PIP5K1C: variants seen among roughly 807,000 people sequenced by gnomAD.
The protein encoded by PIP5K1C is phosphatidylinositol 4-phosphate 5-kinase type-1 gamma.
Under a neutral mutation model 80.1 loss-of-function variants are expected in PIP5K1C, and 45 were observed. The ratio of observed to expected loss-of-function variants is 0.56; its 90% CI spans 0.44 to 0.72. The LOEUF is 0.72. Among genes scored for constraint, PIP5K1C ranks in the 30% least tolerant of loss-of-function variants. The probability of loss-of-function intolerance (pLI) is 0.00; values close to 1 mark genes in which losing one functional copy is unlikely to be tolerated. For missense variants in PIP5K1C, 753 were observed against 954.6 expected (o/e 0.79, Z 2.78); for synonymous variants, 498 against 420.1 (o/e 1.19, Z -2.27).
chr19:3,681,854 G>A (rs1399868015), intron 1 of PIP5K1C, among the ~76,000 whole-genome samples: 1 of 151,974 alleles, frequency 6.6e-6, no homozygotes, highest in Non-Finnish European at 1.5e-5. Context: ...AACTCCAGGG[G>A]GTCACTTAGC....
At position 3,643,251 on chromosome 19, in the gene PIP5K1C, C is replaced by T. The variant is rs756701195; in HGVS notation, c.1641G>A (p.Pro547=). 6.2e-6 allele frequency: 10 copies of T among 1,613,508 alleles called. No individual in the cohort carries two copies. In the East Asian group the frequency reaches 1.1e-4, roughly 18 times the overall value. The change falls in exon 13 of 18, where the codon CCG becomes CCA. Residue 547 remains proline, a synonymous_variant. Transcript: ENST00000335312. ...GCGGATGCCTCGCCCACCTGTACCGCGGCTGCTCCGACGTCTCCGAGGGGG... is the reference window on the plus strand; with the variant it reads ...GCGGATGCCTCGCCCACCTGTACCGTGGCTGCTCCGACGTCTCCGAGGGGG... The part of the protein sequence containing the change: ...ERSPSETSEQ[P]RYRRRTQSSG...
intron 1 of PIP5K1C, among the ~76,000 whole-genome samples, chr19:3,677,411 C>T (rs2035393056): frequency 6.6e-6 from 1 of 151,946 alleles, no homozygotes; most frequent in South Asian, 2.1e-4. Flanking sequence ...GGTGAAACCC[C>T]GTCTCTACTG....
At position 3,637,643 on chromosome 19, in the gene PIP5K1C, G is replaced by C. The variant is rs755105516; in HGVS notation, c.1920+1241C>G. 1.3e-6 allele frequency: 2 copies of C among 1,515,798 alleles called. No individual in the cohort carries two copies. Among genetic ancestry groups the C allele is most frequent in the African/African-American group, 1.4e-5 (1 of 72,774 alleles). The allele number at this position is 1,515,798 out of a possible 1,614,324, so 93.9% of individuals were successfully genotyped here. On this transcript the variant is annotated intron_variant, in intron 16 of 17. Coordinates refer to ENST00000335312, the MANE Select transcript of PIP5K1C (RefSeq NM_012398.3). This position sits in a 1 kb window ranked among gnomAD's most constrained non-coding sequence, Gnocchi z 7.0. Reference sequence around the variant, plus strand: ...ACGGGGCGGGCCGGGTGGGCCGGAGGAGGAAGGAAAACAGAGGACAGCGGA... The same window carrying C: ...ACGGGGCGGGCCGGGTGGGCCGGAGCAGGAAGGAAAACAGAGGACAGCGGA...
chr19:3,685,232 T>C (rs1271308266), intron 1 of PIP5K1C, among the ~76,000 whole-genome samples: 1 of 152,184 alleles, frequency 6.6e-6, no homozygotes, highest in Non-Finnish European at 1.5e-5. Flanking sequence ...CAATAGATTC[T>C]CCCCTAGGGG....
chr19:3,664,458 G>C (rs1164747589), intron 3 of PIP5K1C, among the ~76,000 whole-genome samples: 1 of 152,214 alleles, frequency 6.6e-6, no homozygotes, highest in Non-Finnish European at 1.5e-5. Flanking sequence ...CACGGTGTGA[G>C]CCAGGCCAGC....
intron 10 of PIP5K1C, among the ~76,000 whole-genome samples, chr19:3,646,301 C>A (rs1326854595): frequency 2.0e-5 from 3 of 152,144 alleles, no homozygotes; most frequent in African/African-American, 7.2e-5. Context: ...GACCTGTTAG[C>A]ATTTTTGACT....
At chr19:3,633,810 A>C (rs879870164) in intron 16 of PIP5K1C, among the ~76,000 whole-genome samples, 2 of 151,958 alleles carry the variant, frequency 1.3e-5, no homozygotes, top group Non-Finnish European at 2.9e-5. Flanking sequence ...AGCCGGCGGA[A>C]GCGGGTGGGG....
chr19:3,635,208 A>G (rs1295858435), intron 16 of PIP5K1C, among the ~76,000 whole-genome samples: 1 of 152,262 alleles, frequency 6.6e-6, no homozygotes, highest in Non-Finnish European at 1.5e-5. Context: ...GGGCACACAC[A>G]GCACGTGGGC....
intron 1 of PIP5K1C, among the ~76,000 whole-genome samples, chr19:3,699,284 G>A (rs933457094): frequency 3.3e-5 from 5 of 150,990 alleles, no homozygotes; most frequent in African/African-American, 1.2e-4. Flanking sequence ...CCTACCAAGC[G>A]GTTCCAGATG....
Position 3,648,644 on chromosome 19 carries a change from C to T in PIP5K1C, c.1192G>A (p.Asp398Asn). 1 of 1,613,004 alleles carries T rather than the reference C, an allele frequency of 6.2e-7. No individual in the cohort carries two copies. The highest frequency in any genetic ancestry group is 8.5e-7 in the Non-Finnish European group (1 of 1,179,854). Residue 398 changes from aspartate (D) to asparagine (N), a missense_variant, in exon 9 of 18, where the codon GAC (aspartate) becomes AAC (asparagine). This residue lies in a region of PIP5K1C where 114 missense variants were observed against 152.4 expected (regional missense o/e 0.75). Transcript: ENST00000335312. The surrounding 1 kb of genome is among the most constrained non-coding windows in gnomAD (Gnocchi z 4.3). ...ACCCACCTGTAGGACTGCAGGATGTCGATGATGCCAATGTGCAGCAGCAGC... is the reference window on the plus strand; with the variant it reads ...ACCCACCTGTAGGACTGCAGGATGTTGATGATGCCAATGTGCAGCAGCAGC... ...ERLLLHIGIIDILQSYRFIKK... is the reference protein window; with the variant it reads ...ERLLLHIGIINILQSYRFIKK...
chr19:3,700,302 G>C lies in PIP5K1C; in HGVS notation c.89C>G (p.Ala30Gly). The change falls in exon 1 of 18, where the codon GCG (alanine) becomes GGG (glycine). Residue 30 changes from alanine (A) to glycine (G), a missense_variant. By Grantham distance (60) the Ala-to-Gly change is moderately conservative. Transcript: ENST00000335312. ...CCGGGAGGCCGGGCCGTTACCTGCCGCCGCCCCGCTCTCTGCCGCCCACGC... is the reference window on the plus strand; with the variant it reads ...CCGGGAGGCCGGGCCGTTACCTGCCCCCGCCCCGCTCTCTGCCGCCCACGC... Reference protein sequence around the residue: ...EAAWAAESGAAAGLAQKKAAP... With the variant: ...EAAWAAESGAGAGLAQKKAAP... 7.8e-7 allele frequency: 1 copy of C among 1,281,084 alleles called. No individual in the cohort carries two copies. The highest frequency in any genetic ancestry group is 1.6e-5 in the South Asian group (1 of 64,020). 79.4% of individuals were successfully genotyped at this position (1,281,084 alleles called of 1,614,324 possible).
Position 3,641,840 on chromosome 19 carries a change from T to C in PIP5K1C, c.1683-31A>G, listed in dbSNP as rs776030441. The C allele has an allele frequency of 2.4e-5, 37 of 1,567,672 alleles. 1 individual carries two copies. The African/African-American group carries it at 3.2e-4, about 14-fold the overall frequency. On this transcript the variant is annotated intron_variant, in intron 14 of 17. Transcript: ENST00000335312. ...GGCAATGGGAGGTTGTGCCTCGGTT[T>C]CCCTCCTCACTTCCCCCATCCTACC...
At chr19:3,683,855 C>G (rs1010978730) in intron 1 of PIP5K1C, among the ~76,000 whole-genome samples, 2 of 150,050 alleles carry the variant, frequency 1.3e-5, no homozygotes, top group Non-Finnish European at 3.0e-5. Context: ...AGCCAGCCCC[C>G]GCTTCCCCTC....
At chr19:3,643,991 C>T (rs951034285) in intron 12 of PIP5K1C, 96 bp downstream of exon 12, 38 of 1,414,034 alleles carry the variant, frequency 2.7e-5, no homozygotes, top group Middle Eastern at 2.5e-4. Context: ...GGTGGCTGAG[C>T]GATGGGCACT....
chr19:3,688,963 G>GGA lies in PIP5K1C; in HGVS notation c.94+11333_94+11334insTC, dbSNP rs2035861962. Among the ~76,000 whole-genome samples, 2 of 152,148 alleles carry GGA rather than the reference G, an allele frequency of 1.3e-5. No homozygotes were observed. Among genetic ancestry groups the GGA allele is most frequent in the African/African-American group, 2.4e-5 (1 of 41,418 alleles). ...CCCGGGATGGGGCTGGGGGGTGGGG[G>GGA]GGGCTTGGCGCACGCGGCCTATGGT... On this transcript the variant is annotated intron_variant, in intron 1 of 17. Coordinates refer to ENST00000335312, the MANE Select transcript of PIP5K1C (RefSeq NM_012398.3). The surrounding 1 kb of genome is among the most constrained non-coding windows in gnomAD (Gnocchi z 5.3).
intron 1 of PIP5K1C, among the ~76,000 whole-genome samples, chr19:3,670,115 T>C (rs1452721454): frequency 1.8e-5 from 1 of 55,528 alleles, no homozygotes; most frequent in Non-Finnish European, 3.6e-5. Context: ...GGGAGGGGGC[T>C]GGGGTCAGGA....
chr19:3,667,374 G>T (rs1022307073), intron 1 of PIP5K1C, 21 bp from the exon 2 acceptor site: 21 of 1,612,688 alleles, frequency 1.3e-5, no homozygotes, highest in Non-Finnish European at 1.7e-5. Context: ...GACAAGCTGG[G>T]TATCAGACAG....
chr19:3,634,292 C>G (rs2033584437), intron 16 of PIP5K1C, among the ~76,000 whole-genome samples: 1 of 152,022 alleles, frequency 6.6e-6, no homozygotes, highest in Non-Finnish European at 1.5e-5. Flanking sequence ...TGAGGAGCCC[C>G]CACCCCCTCA....
At chr19:3,653,926 C>T (rs2034535815) in intron 6 of PIP5K1C, among the ~76,000 whole-genome samples, 1 of 152,236 alleles carries the variant, frequency 6.6e-6, no homozygotes, top group African/African-American at 2.4e-5. Flanking sequence ...GGTCTGGAGG[C>T]CGGAAACGCA....
Sources: allele counts gnomAD v4.1 joint callset (sites outside exome capture counted in the v4.1 genomes callset), GRCh38; gene constraint gnomAD v4.1.1; regional missense constraint gnomAD v4.1.1; non-coding constraint Gnocchi (gnomAD v3.1); transcripts MANE v1.5; gene names NCBI Gene and HGNC (gene_info 2026-07-23, HGNC 2026-07-21).